ROBO2: variants seen among roughly 807,000 people sequenced by gnomAD.
The protein encoded by ROBO2 is roundabout homolog 2.
In ROBO2, 53 loss-of-function variants were observed where a neutral mutation model predicts 160.8. That is an observed-to-expected ratio of 0.33 (90% CI 0.26 to 0.41). The LOEUF (loss-of-function observed/expected upper bound fraction) is 0.41, where lower values mean the gene tolerates loss of function less well. ROBO2 is among the 10% of genes least tolerant of loss of function. The pLI, the probability that ROBO2 is intolerant of heterozygous loss-of-function variation, is 1.00. For synonymous variants in ROBO2, 664 were observed against 611.7 expected (o/e 1.09, Z -1.26); for missense variants, 1,577 against 1,722.4 (o/e 0.92, Z 1.49).
intron 2 of ROBO2, among the ~76,000 whole-genome samples, chr3:76,425,012 A>G (rs750349040): frequency 1.3e-5 from 2 of 152,096 alleles, no homozygotes; most frequent in Non-Finnish European, 2.9e-5. Context: ...GTCTAAATCA[A>G]TAATAACACA....
At chr3:77,355,608 G>A (rs2068997389) in intron 2 of ROBO2, among the ~76,000 whole-genome samples, 1 of 151,908 alleles carries the variant, frequency 6.6e-6, no homozygotes, top group Admixed American at 6.6e-5. Context: ...GATATGAGTA[G>A]GACAGATAAT....
intron 2 of ROBO2, among the ~76,000 whole-genome samples, chr3:76,358,882 A>C (rs1020816022): frequency 8.6e-5 from 13 of 150,360 alleles, no homozygotes; most frequent in African/African-American, 2.9e-4. Context: ...TTAACTCGTC[A>C]TTTAGCATTA....
chr3:76,842,523 A>T (rs1173306591), intron 2 of ROBO2, among the ~76,000 whole-genome samples: 1 of 152,162 alleles, frequency 6.6e-6, no homozygotes, highest in Non-Finnish European at 1.5e-5. Flanking sequence ...ACTTTAGGTA[A>T]ACAACATACA....
intron 2 of ROBO2, among the ~76,000 whole-genome samples, chr3:77,409,560 G>C (rs192865314): frequency 6.6e-6 from 1 of 152,064 alleles, no homozygotes; most frequent in African/African-American, 2.4e-5. Flanking sequence ...TGAGTGCCCC[G>C]AGAGAATACA....
chr3:75,962,633 T>C (rs780157967), intron 2 of ROBO2, among the ~76,000 whole-genome samples: 63 of 151,928 alleles, frequency 4.1e-4, no homozygotes, highest in Non-Finnish European at 8.7e-4. Context: ...ATATTGTGTA[T>C]ATCTGTTATT....
At position 77,493,400 on chromosome 3, in the gene ROBO2, A is replaced by T. The variant is rs1325646591; in HGVS notation, c.806+18A>T. ...AGAGGAAGGTAAGACCAACATATGG[A>T]TGGAAGATTGTTAGATAACCAATGA... On this transcript the variant is annotated intron_variant, in intron 5 of 25. Transcript: ENST00000461745. 1.2e-6 allele frequency: 2 copies of T among 1,613,346 alleles called. No homozygotes were observed. The highest frequency in any genetic ancestry group is 1.3e-5 in the African/African-American group (1 of 74,914).
intron 2 of ROBO2, among the ~76,000 whole-genome samples, chr3:76,735,568 C>A (rs1025007020): frequency 5.9e-5 from 9 of 151,690 alleles, no homozygotes; most frequent in African/African-American, 2.2e-4. Flanking sequence ...TCCTGACCAG[C>A]CTGGGCAATA....
At chr3:77,384,785 T>C (rs2073925749) in intron 2 of ROBO2, among the ~76,000 whole-genome samples, 1 of 152,196 alleles carries the variant, frequency 6.6e-6, no homozygotes, top group African/African-American at 2.4e-5. Flanking sequence ...AGAATTTGTG[T>C]TAATGAGAAT....
At chr3:77,472,206 G>A (rs73842886) in intron 2 of ROBO2, among the ~76,000 whole-genome samples, 24,704 of 151,978 alleles carry the variant, frequency 0.16, 2,137 homozygotes, top group South Asian at 0.24. Flanking sequence ...TCTGTTCATC[G>A]AAGGTAAATC....
At chr3:77,289,940 A>C (rs1238659585) in intron 2 of ROBO2, among the ~76,000 whole-genome samples, 1 of 152,134 alleles carries the variant, frequency 6.6e-6, no homozygotes, top group Non-Finnish European at 1.5e-5. Context: ...TTAAACGGGT[A>C]AGCTGAGGCT....
chr3:77,040,569 T>C, exon 1 of ROBO2: 3 of 1,421,440 alleles, frequency 2.1e-6, no homozygotes, highest in Non-Finnish European at 2.7e-6. Context: ...CAGCAGCCTT[T>C]GAAGTACCCT....
At chr3:77,269,995 A>G (rs1402695902) in intron 2 of ROBO2, among the ~76,000 whole-genome samples, 1 of 152,212 alleles carries the variant, frequency 6.6e-6, no homozygotes, top group Non-Finnish European at 1.5e-5. Context: ...AAAATAAAAA[A>G]TGATGATGTA....
intron 2 of ROBO2, among the ~76,000 whole-genome samples, chr3:77,156,002 G>T (rs1319930400): frequency 6.6e-6 from 1 of 151,714 alleles, no homozygotes; most frequent in African/African-American, 2.4e-5. Flanking sequence ...TGCTTTTATT[G>T]CCACTCTTTC....
chr3:77,098,675 G>A (rs1020299112), intron 2 of ROBO2, among the ~76,000 whole-genome samples: 5 of 151,926 alleles, frequency 3.3e-5, no homozygotes, highest in Admixed American at 2.0e-4. Flanking sequence ...GTGAAACCCC[G>A]TCTCTACAAA....
At chr3:76,739,392 A>G (rs2093765576) in intron 2 of ROBO2, among the ~76,000 whole-genome samples, 1 of 151,280 alleles carries the variant, frequency 6.6e-6, no homozygotes, top group Non-Finnish European at 1.5e-5. Flanking sequence ...AAAAAACCAA[A>G]CACTGCATGT....
intron 2 of ROBO2, among the ~76,000 whole-genome samples, chr3:77,250,414 C>T (rs1380424968): frequency 1.3e-5 from 2 of 152,148 alleles, no homozygotes; most frequent in Non-Finnish European, 1.5e-5. Flanking sequence ...AATGCCTTTT[C>T]CCTTCCCCTT....
At chr3:76,193,445 C>T (rs1220192742) in intron 2 of ROBO2, among the ~76,000 whole-genome samples, 6 of 152,118 alleles carry the variant, frequency 3.9e-5, no homozygotes, top group Admixed American at 6.6e-5. Context: ...GTTAGTTGTC[C>T]AAACAGAATA....
chr3:77,443,429 G>C (rs2080151379), intron 2 of ROBO2, among the ~76,000 whole-genome samples: 1 of 151,880 alleles, frequency 6.6e-6, no homozygotes, highest in Non-Finnish European at 1.5e-5. Context: ...AATAGTCTAA[G>C]TGCCACTCAT....
chr3:76,103,971 AT>A (rs2069812877), intron 2 of ROBO2, among the ~76,000 whole-genome samples: 1 of 151,838 alleles, frequency 6.6e-6, no homozygotes, highest in African/African-American at 2.4e-5. Flanking sequence ...GGCTTTTCTC[AT>A]TTTTCCCCTT....
Sources: gnomAD v4.1 joint callset for allele counts (sites outside exome capture counted in the v4.1 genomes callset) on GRCh38, gnomAD v4.1.1 for gene constraint, MANE v1.5 for transcripts, NCBI Gene and HGNC (gene_info 2026-07-23, HGNC 2026-07-21) for gene names.